The following ZFHX3 variants were observed in gnomAD, a reference collection of about 807,000 sequenced individuals.
The protein encoded by ZFHX3 is zinc finger homeobox protein 3.
ZFHX3 carries 42 observed loss-of-function variants against 279.1 expected under a neutral mutation model. That is an observed-to-expected ratio of 0.15 (90% CI 0.12 to 0.19). The LOEUF (loss-of-function observed/expected upper bound fraction) is 0.19, where lower values mean the gene tolerates loss of function less well. Ranked by LOEUF, ZFHX3 falls within the 10% of genes least tolerant of loss-of-function variation. The pLI is 1.00. For missense variants in ZFHX3, 4,981 were observed against 4,754.0 expected, an observed-to-expected ratio of 1.05 and a Z score of -1.40; for synonymous variants, 2,293 against 1,957.8, an observed-to-expected ratio of 1.17 and a Z score of -4.52.
chr16:73,014,279 G>A (rs1466438940), intron 1 of ZFHX3: 1 of 151,032 alleles, frequency 6.6e-6, no homozygotes, highest in East Asian at 1.9e-4. Flanking sequence ...CAGCTACAAG[G>A]CAATCAGTTT....
chr16:73,502,482 T>G (rs1202888321), intron 2 of ZFHX3, among the ~76,000 whole-genome samples: 1 of 152,176 alleles, frequency 6.6e-6, no homozygotes, highest in African/African-American at 2.4e-5. Flanking sequence ...CAGTGGCCCA[T>G]GAAGTGGTCT....
intron 5 of ZFHX3, among the ~76,000 whole-genome samples, chr16:73,206,898 G>T (rs999734888): frequency 2.0e-5 from 3 of 151,850 alleles, no homozygotes; most frequent in Admixed American, 6.6e-5. Context: ...GGTACCTGTA[G>T]TTGCAGCTAC....
chr16:73,348,785 C>T (rs2016168524), intron 3 of ZFHX3, among the ~76,000 whole-genome samples: 2 of 152,176 alleles, frequency 1.3e-5, no homozygotes, highest in Admixed American at 1.3e-4. Context: ...GGATGACCAA[C>T]CCTCACCAAG....
chr16:73,412,471 G>A (rs1457514529), intron 3 of ZFHX3, among the ~76,000 whole-genome samples: 2 of 151,580 alleles, frequency 1.3e-5, no homozygotes, highest in Non-Finnish European at 2.9e-5. Flanking sequence ...CATGTTCTTT[G>A]TGCTTCCCTC....
At chr16:73,505,950 T>A (rs971566132) in intron 2 of ZFHX3, among the ~76,000 whole-genome samples, 2 of 152,196 alleles carry the variant, frequency 1.3e-5, no homozygotes, top group Non-Finnish European at 2.9e-5. Context: ...TTTCTTGAGT[T>A]CCTACTGTGT....
chr16:73,679,904 C>T (rs1489802760), intron 2 of ZFHX3: 7 of 152,120 alleles, frequency 4.6e-5, no homozygotes, highest in Non-Finnish European at 1.0e-4. Flanking sequence ...TTTTTCCAGA[C>T]CAAATATTAA....
chr16:72,989,731 T>C (rs1280277199), intron 1 of ZFHX3, among the ~76,000 whole-genome samples: 2 of 152,180 alleles, frequency 1.3e-5, no homozygotes, highest in Non-Finnish European at 2.9e-5. Flanking sequence ...CACACAGAGT[T>C]CTACAGCCCA....
At chr16:73,333,386 A>G (rs967197379) in intron 3 of ZFHX3, among the ~76,000 whole-genome samples, 2 of 152,212 alleles carry the variant, frequency 1.3e-5, no homozygotes, top group South Asian at 4.1e-4. Flanking sequence ...AGAAAGATAC[A>G]TACATACATA....
chr16:73,662,929 T>G (rs2052800622), intron 2 of ZFHX3, among the ~76,000 whole-genome samples: 1 of 152,142 alleles, frequency 6.6e-6, no homozygotes, highest in South Asian at 2.1e-4. Flanking sequence ...AAGATATAAA[T>G]GCAGATATTT....
chr16:73,605,370 G>A (rs1313742139), intron 2 of ZFHX3, among the ~76,000 whole-genome samples: 3 of 152,166 alleles, frequency 2.0e-5, no homozygotes, highest in African/African-American at 7.2e-5. Flanking sequence ...CTATCTCTGG[G>A]ATCCTAGGTT....
At chr16:73,298,175 A>G (rs367814188) in intron 4 of ZFHX3, among the ~76,000 whole-genome samples, 1 of 151,274 alleles carries the variant, frequency 6.6e-6, no homozygotes, top group Non-Finnish European at 1.5e-5. Context: ...TGAGTGAGAG[A>G]GCAAGACCCT....
intron 1 of ZFHX3, among the ~76,000 whole-genome samples, chr16:73,695,547 G>T (rs1471439375): frequency 6.6e-6 from 1 of 152,194 alleles, no homozygotes; most frequent in Non-Finnish European, 1.5e-5. Flanking sequence ...AGGTTTTCTG[G>T]CGTTGAGTCC....
rs74981520 is a variant in ZFHX3 at position 73,337,322 on chromosome 16, C to T, written c.-1290-18986G>A. Among the ~76,000 whole-genome samples the T allele has an allele frequency of 1.1e-3, 160 of 152,264 alleles. No homozygotes were observed. The East Asian group carries it at 0.019, about 18-fold the overall frequency. On this transcript the variant is annotated intron_variant, in intron 3 of 17. Transcript: ENST00000641206. Reference sequence around the variant, plus strand: ...TGAACCTCCCCTCTACACGTTCTGGCGACTGTTTTGCCCCAGTATTCTCTG... The same window carrying T: ...TGAACCTCCCCTCTACACGTTCTGGTGACTGTTTTGCCCCAGTATTCTCTG...
At chr16:72,909,266 T>C (rs1040159950) in intron 3 of ZFHX3, among the ~76,000 whole-genome samples, 2 of 152,076 alleles carry the variant, frequency 1.3e-5, no homozygotes, top group African/African-American at 4.8e-5. Context: ...ATTCAGAGGG[T>C]AAAAAAGCTT....
intron 1 of ZFHX3, among the ~76,000 whole-genome samples, chr16:73,693,039 T>A (rs989547222): frequency 1.3e-5 from 2 of 152,056 alleles, no homozygotes; most frequent in Non-Finnish European, 2.9e-5. Flanking sequence ...TACGAAAAAC[T>A]TGGCAGCAGC....
intron 1 of ZFHX3, among the ~76,000 whole-genome samples, chr16:72,972,689 G>A (rs1416761804): frequency 1.3e-5 from 2 of 152,022 alleles, no homozygotes; most frequent in Non-Finnish European, 2.9e-5. Context: ...TGTCCTCCTG[G>A]TCTTGGTCAA....
At chr16:72,872,750 G>A (rs574128170) in intron 4 of ZFHX3, among the ~76,000 whole-genome samples, 79 of 152,304 alleles carry the variant, frequency 5.2e-4, no homozygotes, top group Middle Eastern at 3.4e-3. Context: ...TGGGCCACGT[G>A]CCTGGCCATG....
At chr16:72,799,903 C>G (rs1228771576) in intron 8 of ZFHX3, 124 bp downstream of exon 8, 6 of 821,474 alleles carry the variant, frequency 7.3e-6, no homozygotes, top group Non-Finnish European at 1.2e-5. Flanking sequence ...CAGTGCCCCT[C>G]ATCTCCTGAT....
At chr16:73,077,538 T>C (rs1456798513) in intron 8 of ZFHX3, among the ~76,000 whole-genome samples, 1 of 151,648 alleles carries the variant, frequency 6.6e-6, no homozygotes, top group Non-Finnish European at 1.5e-5. Flanking sequence ...AACTTTATCC[T>C]GCAAAAAATC....
Sources: allele counts gnomAD v4.1 joint callset (sites outside exome capture counted in the v4.1 genomes callset), GRCh38; gene constraint gnomAD v4.1.1; transcripts MANE v1.5; gene names NCBI Gene and HGNC (gene_info 2026-07-23, HGNC 2026-07-21).